Variants in IFT88 observed in about 807,000 individuals in gnomAD.
IFT88 encodes intraflagellar transport 88.
IFT88 carries 74 observed loss-of-function variants against 119.5 expected under a neutral mutation model. That is an observed-to-expected ratio of 0.62 (90% CI 0.51 to 0.75). The LOEUF (loss-of-function observed/expected upper bound fraction) is 0.75. Among genes scored for constraint, IFT88 ranks in the 30% least tolerant of loss-of-function variants. The probability of loss-of-function intolerance (pLI) is 0.00; values close to 1 mark genes in which losing one functional copy is unlikely to be tolerated. For missense variants in IFT88, 961 were observed against 977.7 expected, an observed-to-expected ratio of 0.98 and a Z score of 0.23; for synonymous variants, 279 against 316.7, an observed-to-expected ratio of 0.88 and a Z score of 1.26.
intron 16 of IFT88, 74 bp downstream of exon 16, chr13:20,631,176 C>CT: frequency 1.1e-6 from 1 of 942,012 alleles, no homozygotes; most frequent in Non-Finnish European, 1.7e-6. Context: ...AGGATCATGC[C>CT]TAGGGAGAGG....
At chr13:20,642,819 A>G (rs964672529) in intron 18 of IFT88, 3 of 152,046 alleles carry the variant, frequency 2.0e-5, no homozygotes, top group African/African-American at 7.2e-5. Flanking sequence ...TGTCATCGTT[A>G]AAAACAGTAG....
At chr13:20,583,240 T>C (rs4465463) in intron 3 of IFT88, among the ~76,000 whole-genome samples, 127,095 of 152,138 alleles carry the variant, frequency 0.84, 53,426 homozygotes, top group East Asian at 1. Context: ...CTTCCAAAGC[T>C]CCTGTAACTA....
At chr13:20,607,736 G>A (rs1278110885) in intron 13 of IFT88, 6 of 756,754 alleles carry the variant, frequency 7.9e-6, no homozygotes, top group Non-Finnish European at 1.5e-5. Context: ...GCTGTCAGCG[G>A]CTTCTGTAAC....
intron 23 of IFT88, among the ~76,000 whole-genome samples, chr13:20,667,646 G>A (rs561853470): frequency 4.0e-4 from 59 of 146,744 alleles, no homozygotes; most frequent in South Asian, 1.9e-3. Flanking sequence ...GTTTCACCAT[G>A]TTGGTCAGGC....
At chr13:20,603,383 T>C (rs2042919113) in intron 12 of IFT88, among the ~76,000 whole-genome samples, 1 of 121,610 alleles carries the variant, frequency 8.2e-6, no homozygotes, top group Non-Finnish European at 1.6e-5. Flanking sequence ...CAAAACTCCA[T>C]CTCAAAAAAA....
intron 2 of IFT88, among the ~76,000 whole-genome samples, chr13:20,579,860 C>CAT (rs1472931931): frequency 1.3e-5 from 2 of 152,204 alleles, no homozygotes; most frequent in Non-Finnish European, 2.9e-5. Flanking sequence ...GCCCTTTATT[C>CAT]AGCAGTGACG....
intron 24 of IFT88, among the ~76,000 whole-genome samples, chr13:20,687,578 T>C (rs767742756): frequency 6.6e-6 from 1 of 151,930 alleles, no homozygotes; most frequent in African/African-American, 2.4e-5. Flanking sequence ...AATAAAGGGG[T>C]TAGACTTAGC....
chr13:20,595,864 G>A (rs1288372284), intron 7 of IFT88, among the ~76,000 whole-genome samples: 1 of 151,844 alleles, frequency 6.6e-6, no homozygotes, highest in Non-Finnish European at 1.5e-5. Flanking sequence ...GGCAAGATGA[G>A]GAGACTCTGT....
chr13:20,589,584 G>A (rs924877373), intron 3 of IFT88, among the ~76,000 whole-genome samples: 14 of 152,114 alleles, frequency 9.2e-5, no homozygotes, highest in East Asian at 5.8e-4. Flanking sequence ...ACCTCAGATC[G>A]TTCAAAAGTC....
intron 15 of IFT88, among the ~76,000 whole-genome samples, chr13:20,627,130 T>C (rs571727702): frequency 6.6e-6 from 1 of 152,344 alleles, no homozygotes; most frequent in East Asian, 1.9e-4. Flanking sequence ...TTGCATATGT[T>C]AATTTACTAT....
At chr13:20,588,094 A>G (rs1354384365) in intron 3 of IFT88, among the ~76,000 whole-genome samples, 1 of 109,936 alleles carries the variant, frequency 9.1e-6, no homozygotes, top group Non-Finnish European at 1.9e-5. Context: ...TTTTTCTGTT[A>G]TCTTGGTAGT....
chr13:20,612,711 C>T (rs1043486411), intron 13 of IFT88, among the ~76,000 whole-genome samples: 4 of 152,050 alleles, frequency 2.6e-5, no homozygotes, highest in African/African-American at 9.7e-5. Context: ...AAAGTTGGGA[C>T]TCAAACTAGA....
intron 9 of IFT88, among the ~76,000 whole-genome samples, chr13:20,598,369 A>G (rs544146348): frequency 3.0e-4 from 45 of 152,242 alleles, no homozygotes; most frequent in African/African-American, 9.1e-4. Context: ...AATGATACAC[A>G]TTTATTCTTT....
intron 22 of IFT88, among the ~76,000 whole-genome samples, chr13:20,659,446 A>T (rs1321858534): frequency 6.6e-6 from 1 of 152,052 alleles, no homozygotes; most frequent in Non-Finnish European, 1.5e-5. Context: ...GTGAGCTGTG[A>T]TTGTGCCAGT....
chr13:20,608,493 C>T (rs1436958738), intron 13 of IFT88, among the ~76,000 whole-genome samples: 2 of 152,210 alleles, frequency 1.3e-5, no homozygotes, highest in African/African-American at 4.8e-5. Flanking sequence ...TATCTCAAAA[C>T]ACTTGTGTCT....
rs777837681 is a variant in IFT88 at position 20,691,188 on chromosome 13, TA to T, written c.*14del. ...GCTTCCAGAATAATATTCACTTTAA[TA>T]TTTATTAAAGGAAAGAAATTGCCTT... On this transcript the variant is annotated 3_prime_UTR_variant, in exon 26 of 26. Coordinates refer to ENST00000351808, the MANE Select transcript of IFT88 (RefSeq NM_006531.5). 1 of 1,605,154 alleles carries T rather than the reference TA, an allele frequency of 6.2e-7. No homozygotes were observed. Among genetic ancestry groups the T allele is most frequent in the Non-Finnish European group, 8.5e-7 (1 of 1,174,188 alleles).
intron 24 of IFT88, among the ~76,000 whole-genome samples, chr13:20,689,167 C>T (rs1009444520): frequency 3.3e-5 from 5 of 152,096 alleles, no homozygotes; most frequent in Non-Finnish European, 7.4e-5. Flanking sequence ...CTCCTGACCT[C>T]GTGATCTGCC....
intron 15 of IFT88, among the ~76,000 whole-genome samples, 190 bp from the exon 16 acceptor site, chr13:20,630,826 A>G (rs1347977184): frequency 6.6e-6 from 1 of 152,122 alleles, no homozygotes; most frequent in Admixed American, 6.5e-5. Flanking sequence ...TTTCCATTTT[A>G]TTCTTTTTTA....
At chr13:20,672,968 G>A (rs2056121587) in intron 24 of IFT88, among the ~76,000 whole-genome samples, 1 of 152,184 alleles carries the variant, frequency 6.6e-6, no homozygotes, top group African/African-American at 2.4e-5. Flanking sequence ...ACTCTAGACA[G>A]CTCCCCAGAC....
Sources: gnomAD v4.1 joint callset for allele counts (sites outside exome capture counted in the v4.1 genomes callset) on GRCh38, gnomAD v4.1.1 for gene constraint, MANE v1.5 for transcripts, NCBI Gene and HGNC (gene_info 2026-07-23, HGNC 2026-07-21) for gene names.